The following STX2 variants were observed in gnomAD, a reference collection of about 807,000 sequenced individuals.
The protein encoded by STX2 is syntaxin-2.
STX2 carries 27 observed loss-of-function variants against 40.6 expected under a neutral mutation model. The ratio of observed to expected loss-of-function variants is 0.66; its 90% CI spans 0.49 to 0.92. The LOEUF (loss-of-function observed/expected upper bound fraction) is 0.92, where lower values mean the gene tolerates loss of function less well. Ranked by LOEUF, STX2 falls within the 40% of genes least tolerant of loss-of-function variation. The probability of loss-of-function intolerance (pLI) is 0.00; values close to 1 mark genes in which losing one functional copy is unlikely to be tolerated. For synonymous variants in STX2, 123 were observed against 119.1 expected, an observed-to-expected ratio of 1.03 and a Z score of -0.22; for missense variants, 328 against 366.1, an observed-to-expected ratio of 0.90 and a Z score of 0.85.
intron 4 of STX2, chr12:130,812,353 G>A: frequency 8.8e-6 from 4 of 454,056 alleles, no homozygotes; most frequent in South Asian, 6.2e-5. Context: ...GAATAGTCTG[G>A]GAGCGGGTGC....
At chr12:130,818,851 C>G (rs1224328731) in intron 3 of STX2, among the ~76,000 whole-genome samples, 1 of 152,200 alleles carries the variant, frequency 6.6e-6, no homozygotes, top group African/African-American at 2.4e-5. Context: ...TCCCCGCCGT[C>G]CTGCAGGGGG....
intron 6 of STX2, among the ~76,000 whole-genome samples, chr12:130,804,936 G>C (rs193101418): frequency 3.9e-4 from 59 of 151,784 alleles, no homozygotes; most frequent in African/African-American, 1.1e-3. Flanking sequence ...AGACTTAGGC[G>C]ATCTGATCAC....
At chr12:130,824,235 C>A (rs1157033693) in intron 2 of STX2, among the ~76,000 whole-genome samples, 1 of 151,848 alleles carries the variant, frequency 6.6e-6, no homozygotes, top group Non-Finnish European at 1.5e-5. Flanking sequence ...ACTAAAAATA[C>A]AAAATTAGCC....
rs923687347 is a variant in STX2, at chr12:130,790,550, A to G, written c.*1473T>C. On this transcript the variant is annotated 3_prime_UTR_variant, in exon 11 of 11. Transcript: ENST00000392373. Reference sequence around the variant, plus strand: ...TCTACTAAAAAAATGAGCAATAAAAAGGTTTAATTATCATGAATCCCTATA... The same window carrying G: ...TCTACTAAAAAAATGAGCAATAAAAGGGTTTAATTATCATGAATCCCTATA... The G allele has an allele frequency of 6.6e-6, 1 of 152,224 alleles. No individual in the cohort carries two copies. Among genetic ancestry groups the G allele is most frequent in the African/African-American group, 2.4e-5 (1 of 41,458 alleles). The allele number at this position is 152,224 out of a possible 1,614,324, so 9.4% of individuals were successfully genotyped here.
rs1443339381 is a variant in STX2 at position 130,839,188 on chromosome 12, G to T, written c.-89C>A. On this transcript the variant is annotated 5_prime_UTR_variant, in exon 1 of 11. Transcript: ENST00000392373. The stretch of plus-strand genomic sequence containing the variant: ...TCGGGCTCTCCGGTCTCCGCCTCAG[G>T]CCCCGCGGTCCCGGCCCGGCGCCAG... The T allele has an allele frequency of 9.2e-6, 10 of 1,084,264 alleles. No homozygotes were observed. In the African/African-American group the frequency reaches 1.3e-4, roughly 15 times the overall value. The allele number at this position is 1,084,264 out of a possible 1,614,324, so 67.2% of individuals were successfully genotyped here. A position where few individuals can be genotyped will look rare whatever the true frequency, so the allele number is the denominator to read the frequency against.
intron 6 of STX2, among the ~76,000 whole-genome samples, chr12:130,804,385 C>T (rs1434747301): frequency 1.3e-5 from 2 of 152,188 alleles, no homozygotes; most frequent in African/African-American, 4.8e-5. Context: ...ATGCTCGACT[C>T]GTGCATGCCA....
At position 130,789,667 on chromosome 12, in the gene STX2, G is replaced by A. The variant is rs1184822204; in HGVS notation, c.*2356C>T. On this transcript the variant is annotated 3_prime_UTR_variant, in exon 11 of 11. Transcript: ENST00000392373. Reference sequence around the variant, plus strand: ...ATCTCCCCAAAATCTTTCCAGAAATGACAAGGCAGGAAAGTGAATACTTTT... The same window carrying A: ...ATCTCCCCAAAATCTTTCCAGAAATAACAAGGCAGGAAAGTGAATACTTTT... 1 of 152,578 alleles carries A rather than the reference G, an allele frequency of 6.6e-6. No homozygotes were observed. The highest frequency in any genetic ancestry group is 1.5e-5 in the Non-Finnish European group (1 of 68,036). The allele number at this position is 152,578 out of a possible 1,614,324, so 9.5% of individuals were successfully genotyped here.
In STX2 at chr12:130,830,393, C is replaced by A. The variant is rs367870626; in HGVS notation, c.31-3126G>T. ...CTCAACCCTCCTCTCCCATGGTGAC[C>A]GTCCCATGCTGCGCGATGCACCCCC... is the stretch of plus-strand genomic sequence containing the variant. On this transcript the variant is annotated intron_variant, in intron 1 of 10. Coordinates refer to ENST00000392373, the MANE Select transcript of STX2 (RefSeq NM_194356.4). Among the ~76,000 whole-genome samples, 3 of 152,212 alleles carry A rather than the reference C, an allele frequency of 2.0e-5. No individual in the cohort carries two copies. The East Asian group carries it at 5.8e-4, about 29-fold the overall frequency.
rs768450252 is a variant in STX2, at chr12:130,827,231, C to T, written c.67G>A (p.Val23Ile). Residue 23 changes from valine to isoleucine, a missense_variant, in exon 2 of 11, where the codon GTT (valine) becomes ATT (isoleucine). By Grantham distance (29) the Val-to-Ile change is conservative (BLOSUM62 3). Transcript: ENST00000392373. ...TCATCCATGAAATGATCTTTCTCAA[C>T]CACAACAACTGTGTCTCCATCATCA... The part of the protein sequence containing the change: ...KNDDGDTVVV[V>I]EKDHFMDDFF... 46 of 1,613,774 alleles carry T rather than the reference C, an allele frequency of 2.9e-5. No individual in the cohort carries two copies. The highest frequency in any genetic ancestry group is 3.6e-5 in the Non-Finnish European group (42 of 1,179,944).
chr12:130,801,601 T>C, intron 6 of STX2, 113 bp from the exon 7 acceptor site: 1 of 1,165,642 alleles, frequency 8.6e-7, no homozygotes, highest in Non-Finnish European at 1.1e-6. Flanking sequence ...TTTTCAGTAA[T>C]TTTTTTAACC....
Position 130,806,906 on chromosome 12 carries a change from A to C in STX2, c.463+76T>G, listed in dbSNP as rs560946253. 7.9e-5 allele frequency: 106 copies of C among 1,342,838 alleles called. No homozygotes were observed. In the East Asian group the frequency reaches 2.4e-3, roughly 30 times the overall value. 83.2% of individuals were successfully genotyped at this position (1,342,838 alleles called of 1,614,324 possible). On this transcript the variant is annotated intron_variant, in intron 6 of 10. Coordinates refer to ENST00000392373, the MANE Select transcript of STX2 (RefSeq NM_194356.4). ...AAATAGACATGGATTTCCTTTTCTGAAGTTAAAGTCATTTGAAGTGAGACC... is the reference window on the plus strand; with the variant it reads ...AAATAGACATGGATTTCCTTTTCTGCAGTTAAAGTCATTTGAAGTGAGACC...
intron 1 of STX2, among the ~76,000 whole-genome samples, chr12:130,834,147 G>A (rs1361317370): frequency 6.6e-6 from 1 of 152,094 alleles, no homozygotes; most frequent in African/African-American, 2.4e-5. Flanking sequence ...ACTTTGGGAG[G>A]CCGAGGCGGG....
intron 8 of STX2, among the ~76,000 whole-genome samples, 165 bp from the exon 9 acceptor site, chr12:130,798,800 C>T (rs992406686): frequency 1.3e-5 from 2 of 152,130 alleles, no homozygotes; most frequent in African/African-American, 4.8e-5. Flanking sequence ...GGCCATTATA[C>T]ATGTGCCAGT....
At position 130,808,621 on chromosome 12, in the gene STX2, G is replaced by T. The variant is rs1951529891; in HGVS notation, c.354+10C>A. 6.2e-7 allele frequency: 1 copy of T among 1,610,406 alleles called. No homozygotes were observed. Among genetic ancestry groups the T allele is most frequent in the Admixed American group, 1.7e-5 (1 of 59,188 alleles). The stretch of plus-strand genomic sequence containing the variant: ...ACATTACTTTAATCTAAACGAGGCT[G>T]ATAGCAAACCTGGGTTCTTCGTATC... On this transcript the variant is annotated intron_variant, in intron 5 of 10. Transcript: ENST00000392373.
At chr12:130,808,465 C>T (rs922868235) in intron 5 of STX2, among the ~76,000 whole-genome samples, 166 bp downstream of exon 5, 1 of 152,140 alleles carries the variant, frequency 6.6e-6, no homozygotes, top group African/African-American at 2.4e-5. Flanking sequence ...GCAAAATAAA[C>T]CTCTGTCTCA....
intron 1 of STX2, among the ~76,000 whole-genome samples, chr12:130,835,426 A>G (rs1358892104): frequency 6.6e-6 from 1 of 152,114 alleles, no homozygotes; most frequent in Non-Finnish European, 1.5e-5. Context: ...AACAATTCCC[A>G]CAGATGAAAT....
chr12:130,795,834 G>A (rs1593110257), intron 10 of STX2, among the ~76,000 whole-genome samples, 161 bp downstream of exon 10: 1 of 152,170 alleles, frequency 6.6e-6, no homozygotes, highest in South Asian at 2.1e-4. Flanking sequence ...ACAGTGGCTG[G>A]GCACTCGAAT....
chr12:130,830,013 GT>G (rs1017572273), intron 1 of STX2, among the ~76,000 whole-genome samples: 3 of 152,172 alleles, frequency 2.0e-5, no homozygotes, highest in Non-Finnish European at 4.4e-5. Context: ...CCTCATTTTT[GT>G]TTGTTTGGGA....
At position 130,838,326 on chromosome 12, in the gene STX2, G is replaced by C. The variant is rs944683764; in HGVS notation, c.30+744C>G. 2.0e-5 allele frequency among the ~76,000 whole-genome samples: 3 copies of C among 152,210 alleles called. No individual in the cohort carries two copies. In the South Asian group the frequency reaches 6.2e-4, roughly 31 times the overall value. The stretch of plus-strand genomic sequence containing the variant: ...CAGTCCTGTCACCTTTACACGTGTA[G>C]AATGCATCGAAATCCTTCCAAAATT... On this transcript the variant is annotated intron_variant, in intron 1 of 10. Transcript: ENST00000392373.
Sources: gnomAD v4.1 joint callset for allele counts (sites outside exome capture counted in the v4.1 genomes callset) on GRCh38, gnomAD v4.1.1 for gene constraint, MANE v1.5 for transcripts, NCBI Gene and HGNC (gene_info 2026-07-23, HGNC 2026-07-21) for gene names.